The following RASSF8 variants were observed in gnomAD, a reference collection of about 807,000 sequenced individuals.
RASSF8 encodes ras association domain-containing protein 8.
In RASSF8, 22 loss-of-function variants were observed where a neutral mutation model predicts 48.5. The ratio of observed to expected loss-of-function variants is 0.45; its 90% confidence interval spans 0.32 to 0.65. RASSF8 has a LOEUF of 0.65. Ranked by LOEUF, RASSF8 falls within the 30% of genes least tolerant of loss-of-function variation. RASSF8 has a pLI of 0.03. For missense variants in RASSF8, 418 were observed against 489.2 expected, an observed-to-expected ratio of 0.85 and a Z score of 1.37; for synonymous variants, 127 against 171.5, an observed-to-expected ratio of 0.74 and a Z score of 2.03.
chr12:25,987,246 C>T (rs979630895), intron 1 of RASSF8, among the ~76,000 whole-genome samples: 1 of 152,144 alleles, frequency 6.6e-6, no homozygotes, highest in Non-Finnish European at 1.5e-5. Context: ...GGATTGAACT[C>T]TTGACATTTG....
rs1943979785 is a variant in RASSF8, at chr12:26,070,653, A to G, written c.*1835A>G. On this transcript the variant is annotated 3_prime_UTR_variant, in exon 6 of 6. Coordinates refer to ENST00000689635, the MANE Select transcript of RASSF8 (RefSeq NM_001394098.1). ...AATAATTTATAGATTTTGTGACAGT[A>G]ATGATTTACATATGCCCAATATATG... 1.1e-6 allele frequency: 1 copy of G among 946,394 alleles called. No homozygotes were observed. The allele number at this position is 946,394 out of a possible 1,614,324, so 58.6% of individuals were successfully genotyped here. A position where few individuals can be genotyped will look rare whatever the true frequency, so the allele number is the denominator to read the frequency against.
intron 2 of RASSF8, among the ~76,000 whole-genome samples, chr12:26,025,847 T>C (rs1478191782): frequency 6.6e-6 from 1 of 151,978 alleles, no homozygotes; most frequent in East Asian, 1.9e-4. Flanking sequence ...GCAAAAGTTA[T>C]ACACTGAAAA....
At chr12:26,010,158 G>A (rs901460985) in intron 2 of RASSF8, among the ~76,000 whole-genome samples, 8 of 152,086 alleles carry the variant, frequency 5.3e-5, no homozygotes, top group African/African-American at 1.9e-4. Flanking sequence ...GGGACCAGAA[G>A]GCTTCCTTAC....
rs116457772 is a variant in RASSF8 at position 26,017,884 on chromosome 12, A to G, written c.-109+22754A>G. 4.2e-3 allele frequency among the ~76,000 whole-genome samples: 633 copies of G among 152,350 alleles called. 5 individuals are homozygous for G. The highest frequency in any genetic ancestry group is 0.02 in the Middle Eastern group (6 of 294). On this transcript the variant is annotated intron_variant, in intron 2 of 5. Coordinates refer to ENST00000689635, the MANE Select transcript of RASSF8 (RefSeq NM_001394098.1). ...GGTCCAGATCCATTTTCATAAAACAAGCAAAAAGGTTGAAGTTGGAACAGA... is the reference window on the plus strand; with the variant it reads ...GGTCCAGATCCATTTTCATAAAACAGGCAAAAAGGTTGAAGTTGGAACAGA...
chr12:26,037,593 AT>A (rs1178313012), intron 2 of RASSF8, among the ~76,000 whole-genome samples: 1 of 152,180 alleles, frequency 6.6e-6, no homozygotes, highest in Non-Finnish European at 1.5e-5. Flanking sequence ...TGTTTTTATT[AT>A]TTGATGTTTA....
At position 26,001,505 on chromosome 12, in the gene RASSF8, G is replaced by A. The variant is rs541998040; in HGVS notation, c.-109+6375G>A. On this transcript the variant is annotated intron_variant, in intron 2 of 5. Transcript: ENST00000689635. ...AAATACAAATACATTGTACAGCTGTGCAAATATGTTTTGTTTATATTCCTA... is the reference window on the plus strand; with the variant it reads ...AAATACAAATACATTGTACAGCTGTACAAATATGTTTTGTTTATATTCCTA... Among the ~76,000 whole-genome samples, 32 of 152,094 alleles carry A rather than the reference G, an allele frequency of 2.1e-4. No individual in the cohort carries two copies. In the South Asian group the frequency reaches 6.6e-3, roughly 32 times the overall value.
At chr12:26,077,106 G>A (rs1262913010), downstream of RASSF8, among the ~76,000 whole-genome samples, 1 of 152,038 alleles carries the variant, frequency 6.6e-6, no homozygotes, top group Non-Finnish European at 1.5e-5. Context: ...ACTTTTTGAT[G>A]GGGTTGCTTT....
chr12:26,072,547 A>T lies in RASSF8; in HGVS notation c.*3729A>T, dbSNP rs1052674204. On this transcript the variant is annotated 3_prime_UTR_variant, in exon 6 of 6. Coordinates refer to ENST00000689635, the MANE Select transcript of RASSF8 (RefSeq NM_001394098.1). ...ACATATATATGGGGGGAGGGGAAAG[A>T]TTAAAAAATAGATTTACAGCCAGAC... 1.0e-6 allele frequency: 1 copy of T among 984,524 alleles called. No homozygotes were observed. Among genetic ancestry groups the T allele is most frequent in the Non-Finnish European group, 1.2e-6 (1 of 829,224 alleles). The allele number at this position is 984,524 out of a possible 1,614,324, so 61.0% of individuals were successfully genotyped here. A position where few individuals can be genotyped will look rare whatever the true frequency, so the allele number is the denominator to read the frequency against.
chr12:26,067,862 C>A, intron 5 of RASSF8, 149 bp downstream of exon 5: 1 of 1,000,724 alleles, frequency 1.0e-6, no homozygotes, highest in Non-Finnish European at 1.5e-6. Context: ...ACCTCCTGGG[C>A]TCAGGTGACC....
At chr12:26,047,409 GA>G (rs1943394693) in intron 2 of RASSF8, among the ~76,000 whole-genome samples, 2 of 152,206 alleles carry the variant, frequency 1.3e-5, no homozygotes, top group African/African-American at 2.4e-5. Flanking sequence ...GAATTCTTGA[GA>G]GGGGCAACTC....
Position 26,064,699 on chromosome 12 carries a change from A to C in RASSF8, c.305A>C (p.Tyr102Ser), listed in dbSNP as rs1483565331. 6.2e-7 allele frequency: 1 copy of C among 1,614,148 alleles called. No individual in the cohort carries two copies. Among genetic ancestry groups the C allele is most frequent in the Non-Finnish European group, 8.5e-7 (1 of 1,180,006 alleles). Reference protein sequence around the residue: ...SVARIPERTLYRQSLPPLAKL... With the variant: ...SVARIPERTLSRQSLPPLAKL... ...GCTCGAATTCCTGAAAGAACTTTATACAGGCAGAGTCTGCCCCCCTTAGCT... is the reference window on the plus strand; with the variant it reads ...GCTCGAATTCCTGAAAGAACTTTATCCAGGCAGAGTCTGCCCCCCTTAGCT... The change falls in exon 4 of 6, where the codon TAC (tyrosine) becomes TCC (serine). Residue 102 changes from tyrosine to serine, a missense_variant. Physicochemically the swap from Tyr to Ser is moderately radical, Grantham distance 144 (BLOSUM62 -2). Coordinates refer to ENST00000689635, the MANE Select transcript of RASSF8 (RefSeq NM_001394098.1).
intron 1 of RASSF8, among the ~76,000 whole-genome samples, chr12:25,976,665 T>C (rs373065092): frequency 1.3e-5 from 2 of 152,238 alleles, no homozygotes; most frequent in African/African-American, 4.8e-5. Flanking sequence ...CTGTGGAGTG[T>C]ACTTTCGTTT....
intron 2 of RASSF8, among the ~76,000 whole-genome samples, chr12:26,018,923 C>T (rs146810080): frequency 7.2e-5 from 11 of 152,328 alleles, no homozygotes; most frequent in African/African-American, 2.6e-4. Context: ...CTGGTCCTCC[C>T]ATGCATCATG....
At chr12:25,989,217 C>A (rs1941958011) in intron 1 of RASSF8, among the ~76,000 whole-genome samples, 1 of 152,178 alleles carries the variant, frequency 6.6e-6, no homozygotes, top group Non-Finnish European at 1.5e-5. Flanking sequence ...ATCACTGGGT[C>A]ACACCCACAG....
intron 2 of RASSF8, chr12:26,011,689 G>C (rs1197742877): frequency 6.6e-6 from 1 of 152,290 alleles, no homozygotes; most frequent in East Asian, 1.9e-4. Flanking sequence ...GCCCTGGAGA[G>C]CTGTCTTGCC....
Position 25,989,507 on chromosome 12 carries a change from A to G in RASSF8, c.-202-5530A>G, listed in dbSNP as rs116149858. Reference sequence around the variant, plus strand: ...AAAAAAGCTCTCTGTTGTGTGAAATATTGAAGTGTTATCCAGGAGAAGGAG... The same window carrying G: ...AAAAAAGCTCTCTGTTGTGTGAAATGTTGAAGTGTTATCCAGGAGAAGGAG... On this transcript the variant is annotated intron_variant, in intron 1 of 5. Coordinates refer to ENST00000689635, the MANE Select transcript of RASSF8 (RefSeq NM_001394098.1). 5.1e-3 allele frequency among the ~76,000 whole-genome samples: 782 copies of G among 152,318 alleles called. 3 individuals carry two copies. The highest frequency in any genetic ancestry group is 0.018 in the African/African-American group (741 of 41,562).
chr12:26,035,904 A>G (rs1031925884), intron 2 of RASSF8, among the ~76,000 whole-genome samples: 1 of 146,144 alleles, frequency 6.8e-6, no homozygotes, highest in African/African-American at 2.5e-5. Flanking sequence ...ATAATCATAT[A>G]TGATTTCATA....
rs1591823937 is a variant in RASSF8 at position 26,070,912 on chromosome 12, T to G, written c.*2094T>G. On this transcript the variant is annotated 3_prime_UTR_variant, in exon 6 of 6. Transcript: ENST00000689635. ...TTATAAATTGTTATCAGAATTAACC[T>G]AATAACTTTAAGTAAGGACAAGCAG... 1 of 984,742 alleles carries G rather than the reference T, an allele frequency of 1.0e-6. No homozygotes were observed. The highest frequency in any genetic ancestry group is 1.1e-4 in the East Asian group (1 of 8,834). 61.0% of individuals were successfully genotyped at this position (984,742 alleles called of 1,614,324 possible).
chr12:25,998,636 C>T (rs967171333), intron 2 of RASSF8, among the ~76,000 whole-genome samples: 4 of 152,228 alleles, frequency 2.6e-5, no homozygotes, highest in South Asian at 2.1e-4. Flanking sequence ...CGTGAGCCAC[C>T]GCGCCTGGCA....
Sources: gnomAD v4.1 joint callset for allele counts (sites outside exome capture counted in the v4.1 genomes callset) on GRCh38, gnomAD v4.1.1 for gene constraint, MANE v1.5 for transcripts, NCBI Gene and HGNC (gene_info 2026-07-23, HGNC 2026-07-21) for gene names.